Variants in MGMT observed in about 807,000 individuals in gnomAD.
MGMT encodes O-6-methylguanine-DNA methyltransferase, also known as methylated-DNA--protein-cysteine methyltransferase.
A neutral mutation model predicts 15.9 loss-of-function variants in MGMT; 14 were observed. That is an observed-to-expected ratio of 0.88 (90% CI 0.58 to 1.37). The LOEUF (loss-of-function observed/expected upper bound fraction) is 1.37, where lower values mean the gene tolerates loss of function less well. Among genes scored for constraint, MGMT ranks in the 40% most tolerant of loss-of-function variants. The pLI is 0.00. For missense variants in MGMT, 282 were observed against 268.1 expected (o/e 1.05, Z -0.36); for synonymous variants, 130 against 118.2 (o/e 1.10, Z -0.65).
At chr10:129,569,259 A>C (rs1846390120) in intron 2 of MGMT, among the ~76,000 whole-genome samples, 1 of 152,088 alleles carries the variant, frequency 6.6e-6, no homozygotes, top group Non-Finnish European at 1.5e-5. Flanking sequence ...ACAGATGCTG[A>C]AGTCAGTTTT....
At chr10:129,526,275 A>G (rs146170358) in intron 1 of MGMT, among the ~76,000 whole-genome samples, 287 of 152,350 alleles carry the variant, frequency 1.9e-3, no homozygotes, top group African/African-American at 6.0e-3. Context: ...TGGGCTGAGC[A>G]TGAGTCCTGA....
chr10:129,604,062 G>A (rs1846857131), intron 2 of MGMT, among the ~76,000 whole-genome samples: 2 of 152,130 alleles, frequency 1.3e-5, no homozygotes, highest in South Asian at 4.1e-4. Flanking sequence ...CTATACATTT[G>A]TAGCTTGATA....
At chr10:129,650,560 T>A (rs1029978471) in intron 2 of MGMT, among the ~76,000 whole-genome samples, 2 of 152,172 alleles carry the variant, frequency 1.3e-5, no homozygotes, top group African/African-American at 4.8e-5. Flanking sequence ...CCTTTTGTTC[T>A]TTTTGCGAGG....
At chr10:129,686,323 T>C (rs1346551601) in intron 2 of MGMT, among the ~76,000 whole-genome samples, 1 of 152,196 alleles carries the variant, frequency 6.6e-6, no homozygotes, top group African/African-American at 2.4e-5. Flanking sequence ...GCAAGTAAGA[T>C]AATTCCACAT....
intron 2 of MGMT, among the ~76,000 whole-genome samples, chr10:129,667,600 T>C (rs765838721): frequency 1.3e-5 from 2 of 152,212 alleles, no homozygotes; most frequent in African/African-American, 2.4e-5. Context: ...TGCCTGCCTC[T>C]TGATGCACAC....
chr10:129,539,920 G>A (rs1029390360), intron 2 of MGMT, among the ~76,000 whole-genome samples: 1 of 152,196 alleles, frequency 6.6e-6, no homozygotes, highest in African/African-American at 2.4e-5. Flanking sequence ...TAGAATTCAG[G>A]TGTAAATTTC....
intron 3 of MGMT, among the ~76,000 whole-genome samples, chr10:129,713,810 A>G (rs1003656371): frequency 2.0e-5 from 3 of 152,074 alleles, no homozygotes; most frequent in African/African-American, 4.8e-5. Flanking sequence ...GTGGGTCCAG[A>G]AGACCAGATC....
chr10:129,532,173 G>A lies in MGMT; in HGVS notation c.-12-4068G>A, dbSNP rs1845940226. On this transcript the variant is annotated intron_variant, in intron 1 of 4. Transcript: ENST00000651593. The surrounding 1 kb of genome is among the most constrained non-coding windows in gnomAD (Gnocchi z 5.3). ...AGGGCTTGAGGCCAGCCTGCCCTTT[G>A]GATGAGAGGCCCATGCCATGATGCT... 6.6e-6 allele frequency among the ~76,000 whole-genome samples: 1 copy of A among 152,198 alleles called. No individual in the cohort carries two copies. Among genetic ancestry groups the A allele is most frequent in the Non-Finnish European group, 1.5e-5 (1 of 68,042 alleles).
At chr10:129,560,687 A>G (rs543589200) in intron 2 of MGMT, among the ~76,000 whole-genome samples, 1 of 152,354 alleles carries the variant, frequency 6.6e-6, no homozygotes, top group South Asian at 2.1e-4. Context: ...TTCAATACAA[A>G]TATATAAATT....
chr10:129,545,432 A>G (rs1158115696), intron 2 of MGMT, among the ~76,000 whole-genome samples: 1 of 152,208 alleles, frequency 6.6e-6, no homozygotes, highest in African/African-American at 2.4e-5. Flanking sequence ...TGTCCTCGTG[A>G]TATCACTCGC....
At chr10:129,687,131 G>A (rs973784240) in intron 2 of MGMT, among the ~76,000 whole-genome samples, 8 of 151,962 alleles carry the variant, frequency 5.3e-5, no homozygotes, top group Non-Finnish European at 7.4e-5. Context: ...TAAGAACAAC[G>A]TTTTTATTTT....
chr10:129,584,901 C>G (rs913174964), intron 2 of MGMT, among the ~76,000 whole-genome samples: 2 of 152,122 alleles, frequency 1.3e-5, no homozygotes, highest in Non-Finnish European at 2.9e-5. Context: ...TCAGTTTCGC[C>G]TTTTGGTGTT....
intron 3 of MGMT, among the ~76,000 whole-genome samples, chr10:129,709,351 G>C (rs1848204485): frequency 6.6e-6 from 1 of 152,210 alleles, no homozygotes; most frequent in Admixed American, 6.5e-5. Flanking sequence ...GGGGGACCTT[G>C]CTCACTGTGC....
chr10:129,571,758 G>A (rs141843562), intron 2 of MGMT, among the ~76,000 whole-genome samples: 13 of 152,242 alleles, frequency 8.5e-5, no homozygotes, highest in South Asian at 2.1e-4. Flanking sequence ...TATTAGAACC[G>A]CCGTGTGTTT....
chr10:129,682,652 A>C (rs1847865746), intron 2 of MGMT, among the ~76,000 whole-genome samples: 1 of 152,210 alleles, frequency 6.6e-6, no homozygotes, highest in South Asian at 2.1e-4. Context: ...AAATGTTTGT[A>C]AAAACTGGTG....
chr10:129,681,136 G>A (rs1442816607), intron 2 of MGMT, among the ~76,000 whole-genome samples: 1 of 152,182 alleles, frequency 6.6e-6, no homozygotes, highest in Non-Finnish European at 1.5e-5. Flanking sequence ...TGCAGGCGGC[G>A]TTGTCGTCCG....
intron 1 of MGMT, among the ~76,000 whole-genome samples, chr10:129,501,459 G>C (rs1158868459): frequency 1.3e-5 from 2 of 152,340 alleles, no homozygotes; most frequent in Non-Finnish European, 2.9e-5. Context: ...GGTGGCTGTA[G>C]AGTTAACTAA....
intron 3 of MGMT, among the ~76,000 whole-genome samples, chr10:129,710,501 G>T (rs1192644674): frequency 6.6e-6 from 1 of 152,344 alleles, no homozygotes; most frequent in African/African-American, 2.4e-5. Flanking sequence ...ACCACAGCAT[G>T]TGTAAGCCAG....
rs975077506 is a variant in MGMT at position 129,566,898 on chromosome 10, T to G, written c.125+30521T>G. 1.3e-5 allele frequency among the ~76,000 whole-genome samples: 2 copies of G among 151,876 alleles called. No homozygotes were observed. Among genetic ancestry groups the G allele is most frequent in the African/African-American group, 4.8e-5 (2 of 41,350 alleles). On this transcript the variant is annotated intron_variant, in intron 2 of 4. Coordinates refer to ENST00000651593, the MANE Select transcript of MGMT (RefSeq NM_002412.5). This position sits in a 1 kb window ranked among gnomAD's most constrained non-coding sequence, Gnocchi z 4.1. The stretch of plus-strand genomic sequence containing the variant: ...TTTGTTTTGGGGCAGTGAGACTGAG[T>G]GGCCAGTGAGCAATCCGTCATCAAT...
Sources: allele counts gnomAD v4.1 joint callset (sites outside exome capture counted in the v4.1 genomes callset), GRCh38; gene constraint gnomAD v4.1.1; non-coding constraint Gnocchi (gnomAD v3.1); transcripts MANE v1.5; gene names NCBI Gene and HGNC (gene_info 2026-07-23, HGNC 2026-07-21).